UPF2: variants seen among roughly 807,000 people sequenced by gnomAD.
UPF2 encodes regulator of nonsense transcripts 2.
A neutral mutation model predicts 141.4 loss-of-function variants in UPF2; 17 were observed. The observed-to-expected ratio is 0.12, with a 90% confidence interval of 0.08 to 0.18. UPF2 has a LOEUF of 0.18. Among genes scored for constraint, UPF2 ranks in the 10% least tolerant of loss-of-function variants. UPF2 has a pLI of 1.00. For missense variants in UPF2, 1,152 were observed against 1,515.9 expected (o/e 0.76, Z 3.99); for synonymous variants, 540 against 498.0 (o/e 1.08, Z -1.12).
rs1157282342 is a variant in UPF2 at position 11,931,871 on chromosome 10, C to T, written c.3547-89G>A. 3 of 1,453,928 alleles carry T rather than the reference C, an allele frequency of 2.1e-6. No homozygotes were observed. Among genetic ancestry groups the T allele is most frequent in the Non-Finnish European group, 2.8e-6 (3 of 1,083,646 alleles). 90.1% of individuals were successfully genotyped at this position (1,453,928 alleles called of 1,614,324 possible). On this transcript the variant is annotated intron_variant, in intron 19 of 21. Transcript: ENST00000357604. This position sits in a 1 kb window ranked among gnomAD's most constrained non-coding sequence, Gnocchi z 5.9. ...CTTCAAATAAAATAGCAAGTACAGG[C>T]TGGGCACGGTGGCTCACGCCTGTAA...
chr10:11,999,927 G>A lies in UPF2; in HGVS notation c.1737C>T (p.Val579=). Residue 579 remains valine (V), a synonymous_variant, in exon 7 of 22, where the codon GTC becomes GTT. Transcript: ENST00000357604. ...DAFLQQLPNC[V]NRDLIDKAAM... ...ATACCTTGTCTATCAGATCTCGGTTGACACAGTTGGGTAACTGCTGTAGGA... is the reference window on the plus strand; with the variant it reads ...ATACCTTGTCTATCAGATCTCGGTTAACACAGTTGGGTAACTGCTGTAGGA... 6.2e-7 allele frequency: 1 copy of A among 1,613,868 alleles called. No individual in the cohort carries two copies. The highest frequency in any genetic ancestry group is 8.5e-7 in the Non-Finnish European group (1 of 1,179,914).
chr10:11,943,558 A>G (rs1317644855), intron 16 of UPF2, among the ~76,000 whole-genome samples: 1 of 152,256 alleles, frequency 6.6e-6, no homozygotes, highest in Non-Finnish European at 1.5e-5. Flanking sequence ...CAAATGTAAC[A>G]GCATTACCAG....
intron 16 of UPF2, among the ~76,000 whole-genome samples, chr10:11,945,715 A>G (rs1303799849): frequency 1.3e-5 from 2 of 152,362 alleles, no homozygotes; most frequent in Admixed American, 6.5e-5. Context: ...AGGAGGAAAC[A>G]TATCAGAACT....
intron 8 of UPF2, among the ~76,000 whole-genome samples, chr10:11,986,672 G>A (rs1347866957): frequency 2.0e-5 from 3 of 152,146 alleles, no homozygotes; most frequent in Non-Finnish European, 2.9e-5. Flanking sequence ...AGCAGAAGAT[G>A]ATTCCTAAAA....
At chr10:11,973,502 G>T (rs1468450635) in intron 9 of UPF2, among the ~76,000 whole-genome samples, 1 of 152,136 alleles carries the variant, frequency 6.6e-6, no homozygotes, top group African/African-American at 2.4e-5. Flanking sequence ...TTCTTCTAGG[G>T]TTTTTATGGT....
chr10:11,981,816 G>C (rs1308212513), intron 8 of UPF2, among the ~76,000 whole-genome samples: 1 of 152,144 alleles, frequency 6.6e-6, no homozygotes, highest in African/African-American at 2.4e-5. Context: ...CTCCCAAGTA[G>C]CTGGGATTAC....
chr10:11,999,023 C>CA (rs567447054), intron 7 of UPF2, among the ~76,000 whole-genome samples: 58,193 of 113,184 alleles, frequency 0.51, 15,559 homozygotes, highest in East Asian at 0.64. Flanking sequence ...AGACTCCACT[C>CA]AAAAAAAAAA....
rs1469914916 is a variant in UPF2 at position 11,931,993 on chromosome 10, A to G, written c.3547-211T>C. ...ATGAAACCCCGTCTTTACTAAAAAC[A>G]CAAAAATTAGCTGGGTGTGGTGGCA... On this transcript the variant is annotated intron_variant, in intron 19 of 21. Transcript: ENST00000357604. This position sits in a 1 kb window ranked among gnomAD's most constrained non-coding sequence, Gnocchi z 5.9. 1.3e-5 allele frequency among the ~76,000 whole-genome samples: 2 copies of G among 152,144 alleles called. No individual in the cohort carries two copies. Among genetic ancestry groups the G allele is most frequent in the South Asian group, 4.1e-4 (2 of 4,822 alleles).
chr10:11,996,024 T>G (rs1232179759), intron 8 of UPF2, among the ~76,000 whole-genome samples: 7 of 152,124 alleles, frequency 4.6e-5, no homozygotes, highest in African/African-American at 1.7e-4. Context: ...ATGCTGCGCT[T>G]CTTCTTGACA....
rs531583702 is a variant in UPF2 at position 11,958,422 on chromosome 10, G to A, written c.2370+749C>T. Among the ~76,000 whole-genome samples, 4 of 152,270 alleles carry A rather than the reference G, an allele frequency of 2.6e-5. No homozygotes were observed. In the South Asian group the frequency reaches 8.3e-4, roughly 32 times the overall value. On this transcript the variant is annotated intron_variant, in intron 12 of 21. Transcript: ENST00000357604. The stretch of plus-strand genomic sequence containing the variant: ...CTGACATTTCCAACGAAGCTGGTAT[G>A]AGAACTCGTTTAGCCATTCTATACT...
chr10:11,940,784 T>C lies in UPF2; in HGVS notation c.3378+1881A>G, dbSNP rs1271416234. ...AGCCTTCTGTCCAGGCTCCCTGCTT[T>C]TAGCCTTGCCCTGGTGGGTACCTCT... On this transcript the variant is annotated intron_variant, in intron 18 of 21. Transcript: ENST00000357604. This position sits in a 1 kb window ranked among gnomAD's most constrained non-coding sequence, Gnocchi z 4.2. Among the ~76,000 whole-genome samples, 2 of 152,244 alleles carry C rather than the reference T, an allele frequency of 1.3e-5. No homozygotes were observed. Among genetic ancestry groups the C allele is most frequent in the Non-Finnish European group, 2.9e-5 (2 of 68,048 alleles).
Position 11,920,728 on chromosome 10 carries a change from T to G in UPF2, c.*570A>C. 1 of 264,098 alleles carries G rather than the reference T, an allele frequency of 3.8e-6. No individual in the cohort carries two copies. 16.4% of individuals were successfully genotyped at this position (264,098 alleles called of 1,614,324 possible). ...TGAAACAAATTCCTAAACAAAAGCCTTCCTGGTGGATTATCTGGTATTTGG... is the reference window on the plus strand; with the variant it reads ...TGAAACAAATTCCTAAACAAAAGCCGTCCTGGTGGATTATCTGGTATTTGG... On this transcript the variant is annotated 3_prime_UTR_variant, in exon 22 of 22. Transcript: ENST00000357604.
intron 1 of UPF2, among the ~76,000 whole-genome samples, chr10:12,041,882 G>C (rs1834740602): frequency 6.6e-6 from 1 of 152,120 alleles, no homozygotes; most frequent in African/African-American, 2.4e-5. Flanking sequence ...GTTTCGTGTC[G>C]TGTAAGTCCT....
At chr10:11,962,087 C>T (rs1229296315) in intron 11 of UPF2, among the ~76,000 whole-genome samples, 1 of 152,148 alleles carries the variant, frequency 6.6e-6, no homozygotes, top group Non-Finnish European at 1.5e-5. Context: ...AAATAGAATG[C>T]ATCATTTAAC....
rs1233211489 is a variant in UPF2, at chr10:11,976,521, A to T, written c.1953+2536T>A. ...ACAGAAGCAGATTCAAGGAAGTAAA[A>T]GACATTTTTAAGAAGAAAATAATGA... On this transcript the variant is annotated intron_variant, in intron 9 of 21. Coordinates refer to ENST00000357604, the MANE Select transcript of UPF2 (RefSeq NM_015542.4). Among the ~76,000 whole-genome samples the T allele has an allele frequency of 5.3e-5, 8 of 152,248 alleles. 1 individual carries two copies. Among genetic ancestry groups the T allele is most frequent in the Admixed American group, 5.2e-4 (8 of 15,282 alleles).
At chr10:11,975,649 C>G (rs887076807) in intron 9 of UPF2, among the ~76,000 whole-genome samples, 5 of 151,686 alleles carry the variant, frequency 3.3e-5, no homozygotes, top group African/African-American at 1.2e-4. Context: ...GCTGGGATTA[C>G]AGGCATGTGC....
At chr10:12,022,441 G>C (rs1167737215) in intron 3 of UPF2, among the ~76,000 whole-genome samples, 2 of 151,348 alleles carry the variant, frequency 1.3e-5, no homozygotes, top group African/African-American at 4.8e-5. Flanking sequence ...AATTATCTTA[G>C]ATTTTCTTTT....
rs562793376 is a variant in UPF2, at chr10:12,005,676, C to G, written c.1307-949G>C. 2.0e-5 allele frequency among the ~76,000 whole-genome samples: 3 copies of G among 152,310 alleles called. No individual in the cohort carries two copies. In the South Asian group the frequency reaches 6.2e-4, roughly 32 times the overall value. ...CTCCACCTCCCAGCTTCAAGTAATT[C>G]TCCTGCCTCAGCCTCCCAAGTAGCT... On this transcript the variant is annotated intron_variant, in intron 4 of 21. Coordinates refer to ENST00000357604, the MANE Select transcript of UPF2 (RefSeq NM_015542.4).
intron 4 of UPF2, among the ~76,000 whole-genome samples, chr10:12,005,885 AT>A (rs1564363666): frequency 6.9e-6 from 1 of 144,038 alleles, no homozygotes; most frequent in Non-Finnish European, 1.5e-5. Context: ...TTTATTATTT[AT>A]TTTTTTGAAT....
Sources: gnomAD v4.1 joint callset for allele counts (sites outside exome capture counted in the v4.1 genomes callset) on GRCh38, gnomAD v4.1.1 for gene constraint, Gnocchi (gnomAD v3.1) non-coding constraint, MANE v1.5 for transcripts, NCBI Gene and HGNC (gene_info 2026-07-23, HGNC 2026-07-21) for gene names.